STK32A: variants seen among roughly 807,000 people sequenced by gnomAD.
STK32A encodes serine/threonine-protein kinase 32A.
Under a neutral mutation model 53.2 loss-of-function variants are expected in STK32A, and 41 were observed. That is an observed-to-expected ratio of 0.77 (90% CI 0.60 to 1.00). STK32A has a LOEUF of 1.00. Ranked by LOEUF, STK32A falls within the 50% of genes least tolerant of loss-of-function variation. The pLI, the probability that STK32A is intolerant of heterozygous loss-of-function variation, is 0.00. For missense variants in STK32A, 458 were observed against 485.8 expected (o/e 0.94, Z 0.54); for synonymous variants, 166 against 162.8 (o/e 1.02, Z -0.15).
chr5:147,341,858 A>C (rs1755430344), intron 5 of STK32A, among the ~76,000 whole-genome samples: 1 of 152,186 alleles, frequency 6.6e-6, no homozygotes, highest in Admixed American at 6.5e-5. Flanking sequence ...AAAATGACTA[A>C]AAAAATTAAA....
chr5:147,259,868 G>GTC (rs1754425556), intron 2 of STK32A, among the ~76,000 whole-genome samples: 1 of 107,438 alleles, frequency 9.3e-6, no homozygotes, highest in South Asian at 3.0e-4. Context: ...CCTCTCTTCT[G>GTC]TCTCTCTCTC....
chr5:147,251,531 C>T (rs1753999148), intron 2 of STK32A, among the ~76,000 whole-genome samples: 1 of 152,002 alleles, frequency 6.6e-6, no homozygotes, highest in African/African-American at 2.4e-5. Flanking sequence ...AAAATGAATA[C>T]CATTTTTTCA....
At chr5:147,278,100 A>G in intron 2 of STK32A, 24 bp from the exon 3 acceptor site, 1 of 1,561,224 alleles carries the variant, frequency 6.4e-7, no homozygotes, top group Non-Finnish European at 8.7e-7. Flanking sequence ...ATTACTCATG[A>G]TATTCTTCTT....
intron 6 of STK32A, among the ~76,000 whole-genome samples, chr5:147,345,359 T>C (rs892460853): frequency 2.0e-5 from 3 of 152,172 alleles, no homozygotes; most frequent in Non-Finnish European, 4.4e-5. Flanking sequence ...AATCACTCAA[T>C]AAAAGTCTAA....
At chr5:147,315,908 A>G (rs1440784473) in intron 4 of STK32A, among the ~76,000 whole-genome samples, 1 of 152,186 alleles carries the variant, frequency 6.6e-6, no homozygotes, top group Non-Finnish European at 1.5e-5. Context: ...TCTTAAAACA[A>G]TCCCAAAAAT....
At chr5:147,348,241 T>C (rs1324029264) in intron 6 of STK32A, among the ~76,000 whole-genome samples, 2 of 152,204 alleles carry the variant, frequency 1.3e-5, no homozygotes, top group African/African-American at 4.8e-5. Context: ...AACTGAATCA[T>C]GCAAGTGTAA....
At chr5:147,324,373 AAGT>A (rs1754476265) in intron 5 of STK32A, among the ~76,000 whole-genome samples, 1 of 152,182 alleles carries the variant, frequency 6.6e-6, no homozygotes, top group Non-Finnish European at 1.5e-5. Flanking sequence ...AATAAATATT[AAGT>A]AAATAATTAA....
chr5:147,343,335 G>A, intron 6 of STK32A: 2 of 566,998 alleles, frequency 3.5e-6, no homozygotes, highest in Non-Finnish European at 6.5e-6. Context: ...TTCAGTGTTA[G>A]CTGGCCTTAA....
chr5:147,359,752 GGAT>G (rs1213405763), intron 7 of STK32A, among the ~76,000 whole-genome samples: 1 of 152,178 alleles, frequency 6.6e-6, no homozygotes, highest in African/African-American at 2.4e-5. Context: ...CTTGCAGAAA[GGAT>G]GCAGTGATTC....
chr5:147,293,479 TAAAAAAAAAAAA>T (rs57835374), intron 4 of STK32A, among the ~76,000 whole-genome samples: 1 of 106,818 alleles, frequency 9.4e-6, no homozygotes, highest in African/African-American at 3.7e-5. Flanking sequence ...TATTTCGAGG[TAAAAAAAAAAAA>T]AAAAAAAAAA....
At chr5:147,394,128 A>G in the STK32A span, 3 of 1,613,678 alleles carry the variant, frequency 1.9e-6, no homozygotes, top group East Asian at 4.5e-5. Context: ...GGGTGCCTAC[A>G]GTTGGAAATA....
chr5:147,295,665 A>C (rs934941870), intron 4 of STK32A, among the ~76,000 whole-genome samples: 1 of 152,244 alleles, frequency 6.6e-6, no homozygotes, highest in South Asian at 2.1e-4. Context: ...TTACATACAC[A>C]TGACACATAT....
rs183504090 is a variant in STK32A at position 147,238,878 on chromosome 5, G to A, written c.-96-661G>A. Among the ~76,000 whole-genome samples the A allele has an allele frequency of 5.9e-5, 9 of 151,856 alleles. No homozygotes were observed. In the East Asian group the frequency reaches 1.7e-3, roughly 29 times the overall value. On this transcript the variant is annotated intron_variant, in intron 1 of 12. Transcript: ENST00000397936. ...CGTTAATATATATTAACAAAGAGTT[G>A]TATAATACAACACAGAGTTAATAAT...
In STK32A at chr5:147,251,224, A is replaced by T. The variant is rs374483259; in HGVS notation, c.52+11538A>T. 3.3e-5 allele frequency among the ~76,000 whole-genome samples: 5 copies of T among 152,178 alleles called. No individual in the cohort carries two copies. The East Asian group carries it at 7.7e-4, about 24-fold the overall frequency. On this transcript the variant is annotated intron_variant, in intron 2 of 12. Coordinates refer to ENST00000397936, the MANE Select transcript of STK32A (RefSeq NM_001112724.2). The stretch of plus-strand genomic sequence containing the variant: ...TCACCTTTGGGTTTTAATGCTCTGC[A>T]CTTGCTGTCTCCAAATTCTAACTGT...
intron 4 of STK32A, among the ~76,000 whole-genome samples, chr5:147,295,948 C>T (rs556382473): frequency 1.3e-5 from 2 of 152,348 alleles, no homozygotes; most frequent in South Asian, 2.1e-4. Flanking sequence ...CCAAGGAAAG[C>T]ATCTTAAGTA....
chr5:147,399,749 T>C, the STK32A span, among the ~76,000 whole-genome samples: 1 of 152,224 alleles, frequency 6.6e-6, no homozygotes, highest in Non-Finnish European at 1.5e-5. Flanking sequence ...TTTCCAAATA[T>C]TCTTTACTGA....
intron 2 of STK32A, among the ~76,000 whole-genome samples, chr5:147,274,809 A>G (rs1482384069): frequency 5.9e-5 from 9 of 152,188 alleles, no homozygotes; most frequent in Non-Finnish European, 1.0e-4. Context: ...GTAAATTTCC[A>G]AGATTACACA....
rs569038896 is a variant in STK32A, at chr5:147,239,556, C to T, written c.-79C>T. 35 of 1,125,070 alleles carry T rather than the reference C, an allele frequency of 3.1e-5. No individual in the cohort carries two copies. The highest frequency in any genetic ancestry group is 7.9e-5 in the African/African-American group (5 of 63,206). The allele number at this position is 1,125,070 out of a possible 1,614,324, so 69.7% of individuals were successfully genotyped here. A position where few individuals can be genotyped will look rare whatever the true frequency, so the allele number is the denominator to read the frequency against. On this transcript the variant is annotated 5_prime_UTR_variant, in exon 2 of 13. Coordinates refer to ENST00000397936, the MANE Select transcript of STK32A (RefSeq NM_001112724.2). ...TATCCTAGATATCCAACTAAGGCTT[C>T]GGGACATGTTTTGAGCGAAGATGGG...
At position 147,310,828 on chromosome 5, in the gene STK32A, G is replaced by A. The variant is rs1393072519; in HGVS notation, c.261-13070G>A. On this transcript the variant is annotated intron_variant, in intron 4 of 12. Coordinates refer to ENST00000397936, the MANE Select transcript of STK32A (RefSeq NM_001112724.2). ...CTGATTACTGGCTGTATTATTCTCT[G>A]AGGTGGCCATCTCAAGAGATTCTGT... Among the ~76,000 whole-genome samples, 3 of 152,062 alleles carry A rather than the reference G, an allele frequency of 2.0e-5. 1 individual carries two copies. Among genetic ancestry groups the A allele is most frequent in the Non-Finnish European group, 2.9e-5 (2 of 68,036 alleles).
Sources: gnomAD v4.1 joint callset for allele counts (sites outside exome capture counted in the v4.1 genomes callset) on GRCh38, gnomAD v4.1.1 for gene constraint, MANE v1.5 for transcripts, NCBI Gene and HGNC (gene_info 2026-07-23, HGNC 2026-07-21) for gene names.